The following HEATR5A variants were observed in gnomAD, a reference collection of about 807,000 sequenced individuals.
The protein encoded by HEATR5A is HEAT repeat-containing protein 5A.
HEATR5A carries 178 observed loss-of-function variants against 218.8 expected under a neutral mutation model. The observed-to-expected ratio is 0.81, with a 90% CI of 0.72 to 0.92. The LOEUF is 0.92. Among genes scored for constraint, HEATR5A ranks in the 40% least tolerant of loss-of-function variants. The probability of loss-of-function intolerance (pLI) is 0.00; values close to 1 mark genes in which losing one functional copy is unlikely to be tolerated. For synonymous variants in HEATR5A, 864 were observed against 871.6 expected (o/e 0.99, Z 0.15); for missense variants, 2,420 against 2,418.9 (o/e 1.00, Z -0.01).
intron 16 of HEATR5A, among the ~76,000 whole-genome samples, chr14:31,354,090 C>T (rs748827782): frequency 7.9e-5 from 12 of 151,480 alleles, no homozygotes; most frequent in East Asian, 1.9e-4. Context: ...TGAGCCACTG[C>T]GCCTGGCCGG....
chr14:31,345,462 T>C (rs910844118), intron 19 of HEATR5A, among the ~76,000 whole-genome samples, 186 bp from the exon 20 acceptor site: 2 of 152,326 alleles, frequency 1.3e-5, no homozygotes, highest in African/African-American at 2.4e-5. Context: ...AATGATATAG[T>C]TCATCATTAA....
chr14:31,313,554 T>C (rs1899824251), intron 27 of HEATR5A, among the ~76,000 whole-genome samples: 1 of 152,204 alleles, frequency 6.6e-6, no homozygotes, highest in Non-Finnish European at 1.5e-5. Context: ...ATACTGAATA[T>C]ATTTTCATTC....
chr14:31,368,631 C>T (rs146311811), intron 13 of HEATR5A, among the ~76,000 whole-genome samples: 7 of 152,234 alleles, frequency 4.6e-5, no homozygotes, highest in African/African-American at 1.4e-4. Context: ...GGTGCTCAAG[C>T]AATCATTCCC....
intron 19 of HEATR5A, 123 bp from the exon 20 acceptor site, chr14:31,345,399 A>C (rs756914343): frequency 1.1e-4 from 79 of 706,562 alleles, no homozygotes; most frequent in Middle Eastern, 3.9e-4. Flanking sequence ...GCTACTACTC[A>C]TGTGGAAAGA....
At chr14:31,387,056 A>G (rs2030255019) in intron 8 of HEATR5A, 64 bp downstream of exon 8, 1 of 1,527,188 alleles carries the variant, frequency 6.5e-7, no homozygotes, top group Admixed American at 1.8e-5. Flanking sequence ...ATATCAGTCT[A>G]GCTTTCCCAA....
intron 34 of HEATR5A, among the ~76,000 whole-genome samples, chr14:31,295,149 C>G (rs993323137): frequency 6.6e-6 from 1 of 152,086 alleles, no homozygotes; most frequent in African/African-American, 2.4e-5. Context: ...GGACATTACT[C>G]AAGCAAATGA....
At chr14:31,369,697 G>A (rs1201876961) in intron 13 of HEATR5A, among the ~76,000 whole-genome samples, 4 of 150,624 alleles carry the variant, frequency 2.7e-5, no homozygotes, top group African/African-American at 4.9e-5. Context: ...GGAGGCCGAG[G>A]TGGGTTTATC....
intron 1 of HEATR5A, among the ~76,000 whole-genome samples, chr14:31,415,725 C>T (rs893444760): frequency 6.6e-6 from 1 of 152,056 alleles, no homozygotes; most frequent in African/African-American, 2.4e-5. Flanking sequence ...GGTGTTATTA[C>T]TTGTTTCGAG....
chr14:31,331,056 C>T (rs149192766), intron 22 of HEATR5A, among the ~76,000 whole-genome samples: 1,852 of 150,252 alleles, frequency 0.012, 46 homozygotes, highest in African/African-American at 0.043. Context: ...ATTCTCCTGC[C>T]TCAGCCTCCC....
chr14:31,295,766 G>T, intron 34 of HEATR5A, 143 bp downstream of exon 34: 1 of 641,416 alleles, frequency 1.6e-6, no homozygotes. Context: ...TGTCACTCCT[G>T]AAATAGAAAT....
rs144991153 is a variant in HEATR5A at position 31,378,905 on chromosome 14, C to T, written c.1708+1562G>A. ...CTTTATAGGTGTCAAAATGATTTAT[C>T]GGCCAAATCAGGTCAGTTGCTTTAT... On this transcript the variant is annotated intron_variant, in intron 11 of 35. Transcript: ENST00000543095. 1.0e-2 allele frequency among the ~76,000 whole-genome samples: 1,506 copies of T among 151,102 alleles called. 20 individuals carry two copies. The highest frequency in any genetic ancestry group is 0.035 in the African/African-American group (1,429 of 41,272).
At chr14:31,364,102 T>C (rs1397846230) in intron 14 of HEATR5A, 87 bp downstream of exon 14, 19 of 577,232 alleles carry the variant, frequency 3.3e-5, no homozygotes. Context: ...TTATAATTCA[T>C]TTAAATATTT....
At chr14:31,381,740 C>T (rs1395882445) in intron 10 of HEATR5A, among the ~76,000 whole-genome samples, 1 of 152,066 alleles carries the variant, frequency 6.6e-6, no homozygotes, top group Non-Finnish European at 1.5e-5. Flanking sequence ...GATCTATGAT[C>T]TCGCCACTGC....
In HEATR5A at chr14:31,374,986, T is replaced by C. The variant is rs1195385955; in HGVS notation, c.1709-18A>G. 2 of 1,583,300 alleles carry C rather than the reference T, an allele frequency of 1.3e-6. No homozygotes were observed. The highest frequency in any genetic ancestry group is 1.7e-6 in the Non-Finnish European group (2 of 1,165,730). Reference sequence around the variant, plus strand: ...TGCAGGACCTGTAATTTATTCAACTTGTCACTTGTAAGAGAATCCAAGGTT... The same window carrying C: ...TGCAGGACCTGTAATTTATTCAACTCGTCACTTGTAAGAGAATCCAAGGTT... On this transcript the variant is annotated intron_variant, in intron 11 of 35. Transcript: ENST00000543095.
At chr14:31,369,633 A>C (rs918894269) in intron 13 of HEATR5A, among the ~76,000 whole-genome samples, 2 of 148,838 alleles carry the variant, frequency 1.3e-5, no homozygotes, top group East Asian at 2.0e-4. Context: ...AAAAAAAAAA[A>C]AAACCCAAAA....
Position 31,293,270 on chromosome 14 carries a change from A to G in HEATR5A, c.*35T>C. Reference sequence around the variant, plus strand: ...CACCAAAGGCAATGATCAAGTATTTATTATATTAAGGTGCTTACTATTCCA... The same window carrying G: ...CACCAAAGGCAATGATCAAGTATTTGTTATATTAAGGTGCTTACTATTCCA... On this transcript the variant is annotated 3_prime_UTR_variant, in exon 36 of 36. Coordinates refer to ENST00000543095, the MANE Select transcript of HEATR5A (RefSeq NM_015473.4). 6.8e-7 allele frequency: 1 copy of G among 1,478,190 alleles called. No homozygotes were observed. The highest frequency in any genetic ancestry group is 1.3e-5 in the South Asian group (1 of 76,202). The allele number at this position is 1,478,190 out of a possible 1,614,324, so 91.6% of individuals were successfully genotyped here.
chr14:31,400,661 A>G (rs548970031), intron 2 of HEATR5A, 149 bp from the exon 3 acceptor site: 1 of 605,508 alleles, frequency 1.7e-6, no homozygotes, highest in South Asian at 2.4e-5. Flanking sequence ...ATAAGTTGGT[A>G]GTGTGGTCAT....
intron 13 of HEATR5A, among the ~76,000 whole-genome samples, chr14:31,365,862 A>T (rs1901784788): frequency 6.7e-6 from 1 of 150,334 alleles, no homozygotes; most frequent in Non-Finnish European, 1.5e-5. Context: ...ATGGGGTTTC[A>T]CCATGTTGCC....
At chr14:31,342,739 G>GGTGA (rs1900880300) in intron 21 of HEATR5A, among the ~76,000 whole-genome samples, 1 of 152,190 alleles carries the variant, frequency 6.6e-6, no homozygotes, top group Admixed American at 6.5e-5. Context: ...CCACCACTTA[G>GGTGA]GTGAGCTAGA....
Sources: gnomAD v4.1 joint callset for allele counts (sites outside exome capture counted in the v4.1 genomes callset) on GRCh38, gnomAD v4.1.1 for gene constraint, MANE v1.5 for transcripts, NCBI Gene and HGNC (gene_info 2026-07-23, HGNC 2026-07-21) for gene names.